Variants in PPFIA2 observed in about 807,000 individuals in gnomAD.
PPFIA2 encodes liprin-alpha-2.
Under a neutral mutation model 175.5 loss-of-function variants are expected in PPFIA2, and 46 were observed. The ratio of observed to expected loss-of-function variants is 0.26; its 90% confidence interval spans 0.21 to 0.34. PPFIA2 has a LOEUF of 0.34. PPFIA2 is among the 10% of genes least tolerant of loss of function. The pLI is 1.00. For missense variants in PPFIA2, 1,179 were observed against 1,506.1 expected (o/e 0.78, Z 3.60); for synonymous variants, 568 against 511.4 (o/e 1.11, Z -1.49).
intron 3 of PPFIA2, among the ~76,000 whole-genome samples, chr12:81,680,014 G>A (rs1042234743): frequency 1.3e-5 from 2 of 151,790 alleles, no homozygotes; most frequent in African/African-American, 4.8e-5. Context: ...AAAATCTTTG[G>A]CAAATGTGTC....
intron 4 of PPFIA2, among the ~76,000 whole-genome samples, chr12:81,612,802 A>G (rs942214420): frequency 1.3e-5 from 2 of 152,244 alleles, no homozygotes; most frequent in Admixed American, 6.5e-5. Context: ...ATATGTGTGT[A>G]TGTATATGTG....
At chr12:81,376,667 G>A (rs1002388427) in intron 9 of PPFIA2, among the ~76,000 whole-genome samples, 3 of 152,110 alleles carry the variant, frequency 2.0e-5, no homozygotes, top group African/African-American at 7.2e-5. Flanking sequence ...CAGCTTACAT[G>A]GAAATTTATT....
chr12:81,375,689 A>G (rs766784015), intron 10 of PPFIA2, 107 bp downstream of exon 10: 15 of 1,143,022 alleles, frequency 1.3e-5, no homozygotes, highest in African/African-American at 3.2e-5. Context: ...ATTTTAGAGA[A>G]TGATTACTCA....
intron 4 of PPFIA2, among the ~76,000 whole-genome samples, chr12:81,565,392 T>C (rs569609946): frequency 6.6e-6 from 1 of 152,312 alleles, no homozygotes; most frequent in East Asian, 1.9e-4. Context: ...AGTTCTTCAG[T>C]TTTGGGACTC....
At chr12:81,423,510 A>G (rs1313249272) in intron 7 of PPFIA2, among the ~76,000 whole-genome samples, 1 of 152,186 alleles carries the variant, frequency 6.6e-6, no homozygotes, top group Non-Finnish European at 1.5e-5. Flanking sequence ...AATTATCTCA[A>G]CAGATACAGA....
intron 4 of PPFIA2, among the ~76,000 whole-genome samples, chr12:81,534,167 G>C (rs532338331): frequency 6.6e-6 from 1 of 151,702 alleles, no homozygotes; most frequent in East Asian, 1.9e-4. Flanking sequence ...GCTGGGAAGG[G>C]TGTGTGTGTA....
chr12:81,413,090 C>A (rs1331670955), intron 7 of PPFIA2, among the ~76,000 whole-genome samples: 1 of 151,804 alleles, frequency 6.6e-6, no homozygotes, highest in Non-Finnish European at 1.5e-5. Flanking sequence ...TCATGTCATG[C>A]AAGTGATTAT....
intron 11 of PPFIA2, among the ~76,000 whole-genome samples, chr12:81,370,200 C>G (rs1028828796): frequency 2.0e-5 from 3 of 151,846 alleles, no homozygotes; most frequent in Non-Finnish European, 4.4e-5. Flanking sequence ...TTATTCTAAA[C>G]CTTGCTCTGT....
Position 81,439,181 on chromosome 12 carries a change from C to A in PPFIA2, c.645+791G>T, listed in dbSNP as rs548495779. ...TCTCTCTCTCCCTCTCTCTCTCTCT[C>A]TCTCTATATATATATATAATTTTAT... On this transcript the variant is annotated intron_variant, in intron 7 of 32. Coordinates refer to ENST00000549396, the MANE Select transcript of PPFIA2 (RefSeq NM_003625.5). Among the ~76,000 whole-genome samples, 524 of 149,650 alleles carry A rather than the reference C, an allele frequency of 3.5e-3. 2 individuals carry two copies. Among genetic ancestry groups the A allele is most frequent in the African/African-American group, 9.2e-3 (376 of 40,980 alleles).
At position 81,268,086 on chromosome 12, in the gene PPFIA2, G is replaced by A. The variant is rs2136297206; in HGVS notation, c.3312C>T (p.Asp1104=). The A allele has an allele frequency of 6.3e-7, 1 of 1,575,242 alleles. No individual in the cohort carries two copies. Among genetic ancestry groups the A allele is most frequent in the Non-Finnish European group, 8.6e-7 (1 of 1,158,566 alleles). The change falls in exon 29 of 33, where the codon GAC becomes GAT. Residue 1104 remains aspartate (D), a splice_region_variant and synonymous_variant. Transcript: ENST00000549396. ...CTCGGTCATTGCTCCACACCAACACGTCTAGGAAAAGAGATGCATCATTTT... is the reference window on the plus strand; with the variant it reads ...CTCGGTCATTGCTCCACACCAACACATCTAGGAAAAGAGATGCATCATTTT... ...RREASQHEIK[D]VLVWSNDRVI... is the part of the protein sequence containing the mutation.
intron 24 of PPFIA2, among the ~76,000 whole-genome samples, chr12:81,290,569 G>T (rs945924970): frequency 2.6e-5 from 4 of 151,590 alleles, no homozygotes; most frequent in East Asian, 1.9e-4. Context: ...TTAGTAAAAA[G>T]ATATATATTC....
chr12:81,533,311 C>G (rs2064863153), intron 4 of PPFIA2, among the ~76,000 whole-genome samples: 1 of 151,698 alleles, frequency 6.6e-6, no homozygotes, highest in Admixed American at 6.6e-5. Context: ...TACTCACATT[C>G]TCCAAAGCTT....
chr12:81,264,318 T>C (rs576381861), intron 30 of PPFIA2, among the ~76,000 whole-genome samples: 2 of 152,336 alleles, frequency 1.3e-5, no homozygotes, highest in African/African-American at 2.4e-5. Flanking sequence ...CATAAAGTAC[T>C]TTTACAGACA....
At chr12:81,741,920 G>A (rs924433332) in intron 3 of PPFIA2, among the ~76,000 whole-genome samples, 2 of 152,170 alleles carry the variant, frequency 1.3e-5, no homozygotes, top group Non-Finnish European at 2.9e-5. Context: ...ATTTAAGCAG[G>A]ATGATCAGGC....
chr12:81,540,356 T>C (rs1410620589), intron 4 of PPFIA2, among the ~76,000 whole-genome samples: 1 of 152,002 alleles, frequency 6.6e-6, no homozygotes, highest in Non-Finnish European at 1.5e-5. Context: ...TTGGGGAAAG[T>C]GATTTAACCT....
chr12:81,479,612 CA>C (rs1429524765), intron 4 of PPFIA2, among the ~76,000 whole-genome samples: 1 of 152,124 alleles, frequency 6.6e-6, no homozygotes, highest in Non-Finnish European at 1.5e-5. Context: ...GCTTGTAAGG[CA>C]GGCCTGGTGG....
intron 3 of PPFIA2, among the ~76,000 whole-genome samples, chr12:81,745,559 T>G (rs548121521): frequency 6.6e-6 from 1 of 152,308 alleles, no homozygotes; most frequent in African/African-American, 2.4e-5. Context: ...TGTTCTCTTC[T>G]CTGGAATCAA....
chr12:81,436,928 A>G (rs551380212), intron 7 of PPFIA2, among the ~76,000 whole-genome samples: 69 of 152,336 alleles, frequency 4.5e-4, no homozygotes, highest in African/African-American at 1.7e-3. Flanking sequence ...AATTACTAAC[A>G]GACGTGATTT....
chr12:81,432,160 T>C (rs1474937604), intron 7 of PPFIA2, among the ~76,000 whole-genome samples: 1 of 152,130 alleles, frequency 6.6e-6, no homozygotes, highest in Non-Finnish European at 1.5e-5. Flanking sequence ...CTCAATGGCA[T>C]AAAGTACATT....
Sources: allele counts gnomAD v4.1 joint callset (sites outside exome capture counted in the v4.1 genomes callset), GRCh38; gene constraint gnomAD v4.1.1; transcripts MANE v1.5; gene names NCBI Gene and HGNC (gene_info 2026-07-23, HGNC 2026-07-21).